PRSS57: variants seen among roughly 807,000 people sequenced by gnomAD.
PRSS57 encodes the protein serine protease 57, also known as neutrophil serine protease 4.
Under a neutral mutation model 20.6 loss-of-function variants are expected in PRSS57, and 19 were observed. The ratio of observed to expected loss-of-function variants is 0.92; its 90% confidence interval spans 0.64 to 1.35. PRSS57 has a LOEUF of 1.35. PRSS57 is among the 40% of genes most tolerant of loss of function. The pLI, the probability that PRSS57 is intolerant of heterozygous loss-of-function variation, is 0.00. For missense variants in PRSS57, 440 were observed against 403.7 expected (o/e 1.09, Z -0.77); for synonymous variants, 203 against 176.6 (o/e 1.15, Z -1.19).
Position 687,045 on chromosome 19 carries a change from C to G in PRSS57, c.522G>C (p.Leu174=). ...CCAGCACTCGGACCTTGGCCTCCATCAGTCCAGGCGGCAGCTCCTCAAAGT... is the reference window on the plus strand; with the variant it reads ...CCAGCACTCGGACCTTGGCCTCCATGAGTCCAGGCGGCAGCTCCTCAAAGT... ...VSDFEELPPG[L]MEAKVRVLDP... The change falls in exon 4 of 5, where the codon CTG becomes CTC. Residue 174 remains leucine (L), a synonymous_variant. Coordinates refer to ENST00000329267, the MANE Select transcript of PRSS57 (RefSeq NM_001308209.2). 1 of 1,614,078 alleles carries G rather than the reference C, an allele frequency of 6.2e-7. No individual in the cohort carries two copies. Among genetic ancestry groups the G allele is most frequent in the Non-Finnish European group, 8.5e-7 (1 of 1,180,022 alleles).
intron 3 of PRSS57, among the ~76,000 whole-genome samples, chr19:687,552 G>T (rs148375870): frequency 0.023 from 3,552 of 151,862 alleles, 61 homozygotes; most frequent in South Asian, 0.049. Flanking sequence ...GATTACAGGC[G>T]TGCACCACCA....
In PRSS57 at chr19:695,351, C is replaced by G; in HGVS notation, c.79+1G>C. ...GGTGGGGATCCCGGGGGGCTCCTCA[C>G]CGGGGGGCTTCACGGGCAGCATCAG... On this transcript the variant is annotated splice_donor_variant, in intron 1 of 4. Coordinates refer to ENST00000329267, the MANE Select transcript of PRSS57 (RefSeq NM_001308209.2). LOFTEE classifies it high-confidence loss of function. 1 of 1,269,518 alleles carries G rather than the reference C, an allele frequency of 7.9e-7. No homozygotes were observed. Among genetic ancestry groups the G allele is most frequent in the Non-Finnish European group, 1.0e-6 (1 of 1,003,350 alleles). The allele number at this position is 1,269,518 out of a possible 1,614,324, so 78.6% of individuals were successfully genotyped here.
intron 2 of PRSS57, among the ~76,000 whole-genome samples, chr19:692,936 T>TA (rs2031688493): frequency 6.6e-6 from 1 of 150,718 alleles, no homozygotes; most frequent in Non-Finnish European, 1.5e-5. Flanking sequence ...TTTCTTTAAT[T>TA]TTTTTTTTTG....
chr19:689,925 T>C (rs10408985), intron 3 of PRSS57, among the ~76,000 whole-genome samples: 116,853 of 150,800 alleles, frequency 0.77, 45,441 homozygotes, highest in African/African-American at 0.81. Flanking sequence ...TGGTGGTGGG[T>C]GCCTGTGATC....
chr19:695,067 G>C, intron 1 of PRSS57, 100 bp from the exon 2 acceptor site: 3 of 1,174,402 alleles, frequency 2.6e-6, no homozygotes, highest in Non-Finnish European at 2.3e-6. Context: ...ACAGAGACAG[G>C]GGGTGAGATT....
chr19:693,453 T>A (rs938580346), intron 2 of PRSS57, among the ~76,000 whole-genome samples: 4 of 151,972 alleles, frequency 2.6e-5, no homozygotes, highest in African/African-American at 9.7e-5. Flanking sequence ...TGGGCCTCAG[T>A]CCACTCATCT....
chr19:694,733 C>G, intron 2 of PRSS57, 81 bp downstream of exon 2: 1 of 1,467,888 alleles, frequency 6.8e-7, no homozygotes, highest in East Asian at 2.6e-5. Context: ...CCACGGCGCC[C>G]CCAGCTCCCC....
rs200950677 is a variant in PRSS57 at position 685,913 on chromosome 19, C to T, written c.652G>A (p.Gly218Arg). The change falls in exon 5 of 5, where the codon GGA becomes AGA. Residue 218 changes from glycine to arginine, a missense_variant. Physicochemically the swap from Gly to Arg is moderately radical, Grantham distance 125 (BLOSUM62 -2). Transcript: ENST00000329267. ...CGGTTCCTGCACACCAGGGGCCCTCCGGAGTCGGCCTGGAGTGAAAGGAGA... is the reference window on the plus strand; with the variant it reads ...CGGTTCCTGCACACCAGGGGCCCTCTGGAGTCGGCCTGGAGTGAAAGGAGA... ...HRRGFCSADS[G>R]GPLVCRNRAH... The T allele has an allele frequency of 2.8e-4, 439 of 1,542,810 alleles. No individual in the cohort carries two copies. Among genetic ancestry groups the T allele is most frequent in the Middle Eastern group, 3.4e-4 (2 of 5,906 alleles).
chr19:693,337 C>T (rs1165748934), intron 2 of PRSS57, among the ~76,000 whole-genome samples: 1 of 150,914 alleles, frequency 6.6e-6, no homozygotes, highest in Non-Finnish European at 1.5e-5. Context: ...AAGCGATCCT[C>T]CCACAGCAGC....
rs199959102 is a variant in PRSS57 at position 686,923 on chromosome 19, A to G, written c.642+2T>C. 8.1e-6 allele frequency: 13 copies of G among 1,612,560 alleles called. No individual in the cohort carries two copies. In the East Asian group the frequency reaches 2.7e-4, roughly 33 times the overall value. On this transcript the variant is annotated splice_donor_variant, in intron 4 of 4. Coordinates refer to ENST00000329267, the MANE Select transcript of PRSS57 (RefSeq NM_001308209.2). LOFTEE classifies it high-confidence loss of function. ...GTGGGTGGAGCAGGGAGGGGATCTT[A>G]CCGAGCAGAAGCCCCGTCTGTGGCT...
chr19:694,834 G>T lies in PRSS57; in HGVS notation c.213C>A (p.Ala71=). The T allele has an allele frequency of 3.1e-6, 5 of 1,607,374 alleles. No individual in the cohort carries two copies. The highest frequency in any genetic ancestry group is 4.2e-6 in the Non-Finnish European group (5 of 1,177,738). The change falls in exon 2 of 5, where the codon GCC becomes GCA. Residue 71 remains alanine, a synonymous_variant. Coordinates refer to ENST00000329267, the MANE Select transcript of PRSS57 (RefSeq NM_001308209.2). The stretch of plus-strand genomic sequence containing the variant: ...CTCACCTGTGGCTGAAGCAGTGGGC[G>T]GCCGAGACCACCCAGCGGGCTCGCA... ...FLLRARWVVS[A]AHCFSHRDLR...
chr19:685,620 A>G lies in PRSS57; in HGVS notation c.*96T>C. The G allele has an allele frequency of 2.4e-6, 3 of 1,264,862 alleles. No individual in the cohort carries two copies. The highest frequency in any genetic ancestry group is 3.2e-6 in the Non-Finnish European group (3 of 931,608). 78.4% of individuals were successfully genotyped at this position (1,264,862 alleles called of 1,614,324 possible). A position where few individuals can be genotyped will look rare whatever the true frequency, so the allele number is the denominator to read the frequency against. Reference sequence around the variant, plus strand: ...GGTGTGCCCCACCGCTGCCCGTCCCACCCCAACCCTGAACATCAGGCTTCC... The same window carrying G: ...GGTGTGCCCCACCGCTGCCCGTCCCGCCCCAACCCTGAACATCAGGCTTCC... On this transcript the variant is annotated 3_prime_UTR_variant, in exon 5 of 5. Coordinates refer to ENST00000329267, the MANE Select transcript of PRSS57 (RefSeq NM_001308209.2).
At position 687,412 on chromosome 19, in the gene PRSS57, T is replaced by G. The variant is rs149610759; in HGVS notation, c.379-224A>C. Among the ~76,000 whole-genome samples, 982 of 152,288 alleles carry G rather than the reference T, an allele frequency of 6.4e-3. 7 individuals carry two copies. The highest frequency in any genetic ancestry group is 0.022 in the African/African-American group (916 of 41,576). On this transcript the variant is annotated intron_variant, in intron 3 of 4. Transcript: ENST00000329267. ...CCAAAGGGTCTTTCTGTTCTGTTCT[T>G]TTCTTTTTTTTGAGATGGAGTCTCG...
In PRSS57 at chr19:685,957, G is replaced by A. The variant is rs1219107610; in HGVS notation, c.643-35C>T. 3 of 1,498,094 alleles carry A rather than the reference G, an allele frequency of 2.0e-6. No homozygotes were observed. The African/African-American group carries it at 4.2e-5, about 21-fold the overall frequency. The allele number at this position is 1,498,094 out of a possible 1,614,324, so 92.8% of individuals were successfully genotyped here. On this transcript the variant is annotated intron_variant, in intron 4 of 4. Transcript: ENST00000329267. Reference sequence around the variant, plus strand: ...AAGGAGAGGTGAGGTCAGGGCCTCTGGGAGCTGCTGCAGGCACATCTCACC... The same window carrying A: ...AAGGAGAGGTGAGGTCAGGGCCTCTAGGAGCTGCTGCAGGCACATCTCACC...
Position 686,994 on chromosome 19 carries a change from C to A in PRSS57, c.573G>T (p.Trp191Cys). 6.2e-7 allele frequency: 1 copy of A among 1,614,150 alleles called. No homozygotes were observed. The highest frequency in any genetic ancestry group is 8.5e-7 in the Non-Finnish European group (1 of 1,180,036). The change falls in exon 4 of 5, where the codon TGG becomes TGT. Residue 191 changes from tryptophan to cysteine, a missense_variant. Trp to Cys is a radical substitution (Grantham distance 215). Coordinates refer to ENST00000329267, the MANE Select transcript of PRSS57 (RefSeq NM_001308209.2). The part of the protein sequence containing the change: ...VLDPDVCNSS[W>C]KGHLTLTMLC... The stretch of plus-strand genomic sequence containing the variant: ...GCATGGTAAGTGTCAGGTGGCCCTT[C>A]CAGGAGCTGTTGCAGACGTCCGGGT...
chr19:694,765 A>C, intron 2 of PRSS57, 49 bp downstream of exon 2: 1 of 1,545,488 alleles, frequency 6.5e-7, no homozygotes, highest in Non-Finnish European at 8.7e-7. Flanking sequence ...AGTCCCCCTC[A>C]TGTCGGGATA....
At chr19:692,427 C>CTTTTTACT (rs2031674388) in intron 2 of PRSS57, among the ~76,000 whole-genome samples, 1 of 98,828 alleles carries the variant, frequency 1.0e-5, no homozygotes, top group African/African-American at 3.2e-5. Flanking sequence ...TTCCTTTTTT[C>CTTTTTACT]TTTTTTTTTT....
At chr19:685,972 C>G in intron 4 of PRSS57, 50 bp from the exon 5 acceptor site, 1 of 1,444,166 alleles carries the variant, frequency 6.9e-7, no homozygotes, top group Non-Finnish European at 9.4e-7. Context: ...CTGCTGCAGG[C>G]ACATCTCACC....
intron 3 of PRSS57, chr19:690,836 C>G (rs879186658): frequency 1.1e-5 from 4 of 353,348 alleles, no homozygotes; most frequent in South Asian, 2.6e-5. Flanking sequence ...GATCGGCAAG[C>G]CCTACACCGT....
Sources: allele counts gnomAD v4.1 joint callset (sites outside exome capture counted in the v4.1 genomes callset), GRCh38; gene constraint gnomAD v4.1.1; transcripts MANE v1.5; gene names NCBI Gene and HGNC (gene_info 2026-07-23, HGNC 2026-07-21).